CHCHD6: variants seen among roughly 807,000 people sequenced by gnomAD.
CHCHD6 encodes the protein MICOS complex subunit MIC25.
A neutral mutation model predicts 32.3 loss-of-function variants in CHCHD6; 28 were observed. The ratio of observed to expected loss-of-function variants is 0.87; its 90% confidence interval spans 0.64 to 1.19. CHCHD6 has a LOEUF of 1.19. Among genes scored for constraint, CHCHD6 ranks in the 50% most tolerant of loss-of-function variants. The pLI, the probability that CHCHD6 is intolerant of heterozygous loss-of-function variation, is 0.00. For missense variants in CHCHD6, 333 were observed against 307.0 expected (o/e 1.08, Z -0.63); for synonymous variants, 122 against 117.5 (o/e 1.04, Z -0.25).
At chr3:126,913,814 C>A (rs532958355) in intron 5 of CHCHD6, among the ~76,000 whole-genome samples, 13 of 152,316 alleles carry the variant, frequency 8.5e-5, no homozygotes, top group African/African-American at 3.1e-4. Context: ...TGGAGCTTCA[C>A]AAAGAAAGGA....
chr3:126,957,538 G>C lies in CHCHD6; in HGVS notation c.689G>C (p.Ser230Thr), dbSNP rs146771285. 2.5e-6 allele frequency: 4 copies of C among 1,571,670 alleles called. No individual in the cohort carries two copies. The highest frequency in any genetic ancestry group is 1.4e-5 in the African/African-American group (1 of 73,850). ...GTCAAGGCATACCAGCGCTGCGTGA[G>C]CGCCGCCCACAAGGTAAGGCCTTGC... ...DLVKAYQRCV[S>T]AAHKG Residue 230 changes from serine (S) to threonine (T), a missense_variant, in exon 7 of 8, where the codon AGC (serine) becomes ACC (threonine). Ser to Thr is a moderately conservative substitution (Grantham distance 58). Coordinates refer to ENST00000290913, the MANE Select transcript of CHCHD6 (RefSeq NM_032343.3).
intron 4 of CHCHD6, among the ~76,000 whole-genome samples, chr3:126,808,706 G>T (rs1274843288): frequency 6.6e-6 from 1 of 152,124 alleles, no homozygotes; most frequent in Non-Finnish European, 1.5e-5. Context: ...GAAGCAAAAA[G>T]AAATCAGAAG....
intron 4 of CHCHD6, among the ~76,000 whole-genome samples, chr3:126,738,173 G>T (rs1000163286): frequency 3.3e-5 from 5 of 152,168 alleles, no homozygotes; most frequent in African/African-American, 1.2e-4. Flanking sequence ...CCAGGTAGCT[G>T]CCACCTTAGC....
intron 6 of CHCHD6, among the ~76,000 whole-genome samples, chr3:126,921,548 C>T (rs909917644): frequency 2.0e-5 from 3 of 152,148 alleles, no homozygotes; most frequent in African/African-American, 7.2e-5. Flanking sequence ...TCTGTCTTGG[C>T]TTCTCCTTGT....
chr3:126,784,947 A>T (rs1658314333), intron 4 of CHCHD6, among the ~76,000 whole-genome samples: 1 of 151,768 alleles, frequency 6.6e-6, no homozygotes, highest in Non-Finnish European at 1.5e-5. Flanking sequence ...AAAGTACTTT[A>T]TGTATTTATT....
intron 6 of CHCHD6, chr3:126,935,049 G>A (rs2078459195): frequency 7.7e-6 from 6 of 777,072 alleles, no homozygotes; most frequent in African/African-American, 1.9e-5. Flanking sequence ...TCTAATCAGA[G>A]TTGGGAATCG....
intron 4 of CHCHD6, among the ~76,000 whole-genome samples, chr3:126,770,687 T>C (rs1937527772): frequency 2.0e-5 from 3 of 152,242 alleles, no homozygotes; most frequent in African/African-American, 4.8e-5. Flanking sequence ...TACTTGATCA[T>C]GGTGGATTAG....
rs1006717035 is a variant in CHCHD6, at chr3:126,920,528, A to G, written c.566+5778A>G. ...TTTCTCGGCTCTGCGAGACTTCTGA[A>G]AATTCCACTCTTTCAGTGGCCTCTT... On this transcript the variant is annotated intron_variant, in intron 6 of 7. Coordinates refer to ENST00000290913, the MANE Select transcript of CHCHD6 (RefSeq NM_032343.3). 2.0e-5 allele frequency among the ~76,000 whole-genome samples: 3 copies of G among 152,284 alleles called. 1 individual carries two copies.
intron 1 of CHCHD6, among the ~76,000 whole-genome samples, chr3:126,712,982 C>G (rs1487741602): frequency 6.6e-6 from 1 of 152,190 alleles, no homozygotes; most frequent in African/African-American, 2.4e-5. Flanking sequence ...ACGTTCCTCT[C>G]TTTCTCTATA....
intron 1 of CHCHD6, among the ~76,000 whole-genome samples, chr3:126,718,375 C>T (rs1576332730): frequency 6.6e-6 from 1 of 152,114 alleles, no homozygotes; most frequent in African/African-American, 2.4e-5. Context: ...GTGTAGATTG[C>T]TTCATTTAAT....
chr3:126,797,844 C>G (rs954485036), intron 4 of CHCHD6, among the ~76,000 whole-genome samples: 26 of 152,120 alleles, frequency 1.7e-4, no homozygotes, highest in Admixed American at 1.7e-3. Flanking sequence ...ACACCAAGCT[C>G]TCCCCCATGG....
intron 5 of CHCHD6, among the ~76,000 whole-genome samples, chr3:126,868,121 C>T (rs1213095678): frequency 2.6e-5 from 4 of 152,346 alleles, no homozygotes; most frequent in Admixed American, 6.5e-5. Flanking sequence ...TCCCATTGCC[C>T]CTTCTTTGTA....
In CHCHD6 at chr3:126,906,345, C is replaced by T. The variant is rs73207621; in HGVS notation, c.496-8335C>T. Among the ~76,000 whole-genome samples, 1,153 of 152,354 alleles carry T rather than the reference C, an allele frequency of 7.6e-3. 7 individuals carry two copies. The highest frequency in any genetic ancestry group is 0.012 in the Non-Finnish European group (827 of 68,042). On this transcript the variant is annotated intron_variant, in intron 5 of 7. Transcript: ENST00000290913. ...TTTCTTCCCAGTCGACACCATTACACGGCAGCCAGCAGTCCTTCCAGAATG... is the reference window on the plus strand; with the variant it reads ...TTTCTTCCCAGTCGACACCATTACATGGCAGCCAGCAGTCCTTCCAGAATG...
intron 4 of CHCHD6, among the ~76,000 whole-genome samples, chr3:126,846,055 C>T (rs78421957): frequency 0.018 from 2,744 of 152,206 alleles, 31 homozygotes; most frequent in Middle Eastern, 0.051. Context: ...CCACAGTAGC[C>T]CTGAAAACCT....
chr3:126,804,246 A>G lies in CHCHD6; in HGVS notation c.412-48401A>G, dbSNP rs543953340. ...AACTGGAGGAAATAGAGACAAAAAAACCCTTCGAAAAATTAATGAATCCAG... is the reference window on the plus strand; with the variant it reads ...AACTGGAGGAAATAGAGACAAAAAAGCCCTTCGAAAAATTAATGAATCCAG... On this transcript the variant is annotated intron_variant, in intron 4 of 7. Coordinates refer to ENST00000290913, the MANE Select transcript of CHCHD6 (RefSeq NM_032343.3). Among the ~76,000 whole-genome samples, 4 of 152,316 alleles carry G rather than the reference A, an allele frequency of 2.6e-5. No homozygotes were observed. In the South Asian group the frequency reaches 6.2e-4, roughly 24 times the overall value.
intron 4 of CHCHD6, chr3:126,766,484 C>T (rs1218189095): frequency 8.2e-6 from 6 of 732,754 alleles, no homozygotes; most frequent in South Asian, 4.1e-5. Flanking sequence ...TTCTCTTTCT[C>T]GGTCTCACTT....
chr3:126,812,391 G>T (rs1041694497), intron 4 of CHCHD6, among the ~76,000 whole-genome samples: 3 of 146,898 alleles, frequency 2.0e-5, no homozygotes, highest in South Asian at 4.3e-4. Flanking sequence ...CTGGCTTCTA[G>T]TATAACCCAA....
chr3:126,736,986 A>G (rs536431627), intron 4 of CHCHD6, among the ~76,000 whole-genome samples: 5 of 152,172 alleles, frequency 3.3e-5, no homozygotes, highest in African/African-American at 9.7e-5. Context: ...CCTGACACAT[A>G]TTATTAGGTA....
rs372855181 is a variant in CHCHD6 at position 126,906,276 on chromosome 3, TCCTCCAGG to T, written c.496-8386_496-8379del. ...CCCATCTCTCTGGGCCACTGCAGCA[TCCTCCAGG>T]CCTCCAGGCCTCCAGGCTGATGGCC... On this transcript the variant is annotated intron_variant, in intron 5 of 7. Coordinates refer to ENST00000290913, the MANE Select transcript of CHCHD6 (RefSeq NM_032343.3). 8.8e-4 allele frequency among the ~76,000 whole-genome samples: 134 copies of T among 152,316 alleles called. No individual in the cohort carries two copies. The East Asian group carries it at 0.012, about 14-fold the overall frequency.
Sources: gnomAD v4.1 joint callset for allele counts (sites outside exome capture counted in the v4.1 genomes callset) on GRCh38, gnomAD v4.1.1 for gene constraint, MANE v1.5 for transcripts, NCBI Gene and HGNC (gene_info 2026-07-23, HGNC 2026-07-21) for gene names.